The following ENOX1 variants were observed in gnomAD, a reference collection of about 807,000 sequenced individuals.
The protein encoded by ENOX1 is candidate growth-related and time keeping constitutive hydroquinone (NADH) oxidase.
Under a neutral mutation model 82.5 loss-of-function variants are expected in ENOX1, and 42 were observed. The ratio of observed to expected loss-of-function variants is 0.51; its 90% CI spans 0.40 to 0.66. The LOEUF is 0.66. ENOX1 is among the 30% of genes least tolerant of loss of function. The probability of loss-of-function intolerance (pLI) is 0.00; values close to 1 mark genes in which losing one functional copy is unlikely to be tolerated. For missense variants in ENOX1, 608 were observed against 811.6 expected, an observed-to-expected ratio of 0.75 and a Z score of 3.05; for synonymous variants, 271 against 282.2, an observed-to-expected ratio of 0.96 and a Z score of 0.40.
chr13:43,326,485 T>C lies in ENOX1; in HGVS notation c.1077A>G (p.Gln359=), dbSNP rs2048123472. 1 of 1,614,076 alleles carries C rather than the reference T, an allele frequency of 6.2e-7. No homozygotes were observed. The highest frequency in any genetic ancestry group is 8.5e-7 in the Non-Finnish European group (1 of 1,180,006). ...IVAVFNASTR[Q]KAWDHFSKAQ... is the part of the protein sequence containing the mutation. ...CTTTCGAGAAATGGTCCCAAGCTTT[T>C]TGTCTGGTAGAAGCGTTGAAAACGG... The change falls in exon 10 of 17, where the codon CAA becomes CAG. Residue 359 remains glutamine (Q), a synonymous_variant. Coordinates refer to ENST00000690772, the MANE Select transcript of ENOX1 (RefSeq NM_001347969.2).
intron 1 of ENOX1, among the ~76,000 whole-genome samples, chr13:43,766,930 G>A (rs555259746): frequency 4.0e-5 from 6 of 150,468 alleles, no homozygotes; most frequent in South Asian, 2.1e-4. Flanking sequence ...AGAGATTCAC[G>A]CTCTCATGGT....
At chr13:43,712,154 C>T (rs1354090358) in intron 1 of ENOX1, among the ~76,000 whole-genome samples, 2 of 147,806 alleles carry the variant, frequency 1.4e-5, no homozygotes, top group Non-Finnish European at 3.0e-5. Context: ...AGCCAGTTTT[C>T]CCAGCACCAT....
Position 43,715,014 on chromosome 13 carries a change from G to A in ENOX1, c.-284-47470C>T, listed in dbSNP as rs1477315704. Reference sequence around the variant, plus strand: ...CAGTTTCTTCCTAGCCTTGATGGTCGTTACATTTTGGCATGTTTTTGCAGT... The same window carrying A: ...CAGTTTCTTCCTAGCCTTGATGGTCATTACATTTTGGCATGTTTTTGCAGT... On this transcript the variant is annotated intron_variant, in intron 1 of 16. Coordinates refer to ENST00000690772, the MANE Select transcript of ENOX1 (RefSeq NM_001347969.2). 9.9e-5 allele frequency among the ~76,000 whole-genome samples: 15 copies of A among 152,184 alleles called. 1 individual carries two copies. Among genetic ancestry groups the A allele is most frequent in the Admixed American group, 6.6e-4 (10 of 15,264 alleles).
At chr13:43,439,455 C>T (rs1243447186) in intron 3 of ENOX1, among the ~76,000 whole-genome samples, 1 of 152,128 alleles carries the variant, frequency 6.6e-6, no homozygotes, top group Non-Finnish European at 1.5e-5. Flanking sequence ...CCACCTCAGC[C>T]TCGCAAAGTG....
intron 2 of ENOX1, among the ~76,000 whole-genome samples, chr13:43,589,247 G>T (rs531262702): frequency 1.2e-3 from 184 of 147,554 alleles, no homozygotes; most frequent in African/African-American, 4.5e-3. Flanking sequence ...AAAGCAAAGG[G>T]TCTGCAGAAA....
intron 3 of ENOX1, among the ~76,000 whole-genome samples, chr13:43,477,882 C>T (rs777458024): frequency 2.6e-5 from 4 of 152,030 alleles, no homozygotes; most frequent in Non-Finnish European, 5.9e-5. Flanking sequence ...TTTTAAGCTC[C>T]TCGCAAAGAC....
chr13:43,248,979 G>T (rs1161308100), intron 14 of ENOX1, among the ~76,000 whole-genome samples: 1 of 152,064 alleles, frequency 6.6e-6, no homozygotes, highest in East Asian at 1.9e-4. Context: ...GATAGGAAAG[G>T]ATCATTTCAA....
intron 2 of ENOX1, among the ~76,000 whole-genome samples, chr13:43,542,552 C>T (rs916446977): frequency 6.6e-6 from 1 of 151,894 alleles, no homozygotes; most frequent in African/African-American, 2.4e-5. Context: ...TCTCAGGCCT[C>T]AGCCTCCGGA....
chr13:43,280,333 G>GGA (rs1181242354), intron 12 of ENOX1, among the ~76,000 whole-genome samples: 4 of 152,212 alleles, frequency 2.6e-5, no homozygotes, highest in Non-Finnish European at 5.9e-5. Context: ...GGCCCTCTTT[G>GGA]GAGGTACCTT....
At chr13:43,574,998 G>A (rs1268517481) in intron 2 of ENOX1, among the ~76,000 whole-genome samples, 1 of 152,140 alleles carries the variant, frequency 6.6e-6, no homozygotes, top group South Asian at 2.1e-4. Context: ...ACAAAAGAGA[G>A]AGCCACATTC....
At chr13:43,386,094 A>G (rs1368933448) in intron 5 of ENOX1, among the ~76,000 whole-genome samples, 1 of 152,196 alleles carries the variant, frequency 6.6e-6, no homozygotes, top group East Asian at 1.9e-4. Flanking sequence ...TGAGCCTTGG[A>G]GATGGAGGAT....
Position 43,344,655 on chromosome 13 carries a change from C to T in ENOX1, c.919G>A (p.Val307Met). ...CGGACGTGGCTGTTGGCCGACTGCACCATGGAATAGAACTGGTTTGCAGAG... is the reference window on the plus strand; with the variant it reads ...CGGACGTGGCTGTTGGCCGACTGCATCATGGAATAGAACTGGTTTGCAGAG... The part of the protein sequence containing the change: ...RRSANQFYSM[V>M]QSANSHVRRL... The change falls in exon 9 of 17, where the codon GTG becomes ATG. Residue 307 changes from valine to methionine, a missense_variant. Transcript: ENST00000690772. 6.2e-7 allele frequency: 1 copy of T among 1,614,044 alleles called. No homozygotes were observed. Among genetic ancestry groups the T allele is most frequent in the South Asian group, 1.1e-5 (1 of 91,068 alleles).
intron 1 of ENOX1, among the ~76,000 whole-genome samples, chr13:43,778,855 C>T (rs575595775): frequency 7.2e-5 from 11 of 152,280 alleles, no homozygotes; most frequent in East Asian, 3.9e-4. Flanking sequence ...GGCAACAGGA[C>T]GAGGTGGAGG....
At position 43,418,690 on chromosome 13, in the gene ENOX1, A is replaced by G. The variant is rs111690728; in HGVS notation, c.-74-5702T>C. Among the ~76,000 whole-genome samples the G allele has an allele frequency of 5.4e-3, 820 of 152,336 alleles. 4 individuals are homozygous for G. The highest frequency in any genetic ancestry group is 0.019 in the African/African-American group (774 of 41,572). ...CTACTTACAGCTTTAATGAAGTATG[A>G]GCACCACAAAACAATCTGATACACA... On this transcript the variant is annotated intron_variant, in intron 3 of 16. Transcript: ENST00000690772.
At chr13:43,348,424 A>T (rs1340319117) in intron 8 of ENOX1, among the ~76,000 whole-genome samples, 2 of 152,170 alleles carry the variant, frequency 1.3e-5, no homozygotes, top group African/African-American at 4.8e-5. Flanking sequence ...ATTTTATTGC[A>T]TTCTACAGTA....
intron 13 of ENOX1, among the ~76,000 whole-genome samples, chr13:43,266,853 G>A (rs1210961609): frequency 1.3e-5 from 2 of 152,128 alleles, no homozygotes; most frequent in African/African-American, 2.4e-5. Context: ...TTCGAGTGGG[G>A]TTAGCTCAGA....
chr13:43,487,372 C>T (rs1373204628), intron 2 of ENOX1, among the ~76,000 whole-genome samples: 2 of 152,054 alleles, frequency 1.3e-5, no homozygotes, highest in Non-Finnish European at 2.9e-5. Context: ...CATGATTAGG[C>T]ATTTACAGAA....
intron 2 of ENOX1, among the ~76,000 whole-genome samples, chr13:43,618,959 G>A (rs2082604075): frequency 1.4e-5 from 2 of 146,850 alleles, no homozygotes; most frequent in African/African-American, 5.0e-5. Flanking sequence ...TCAACTCCTT[G>A]GTTAGGTATA....
intron 2 of ENOX1, among the ~76,000 whole-genome samples, chr13:43,650,152 G>T (rs2153775837): frequency 6.6e-6 from 1 of 152,288 alleles, no homozygotes; most frequent in South Asian, 2.1e-4. Flanking sequence ...TTCCACTCTT[G>T]AGCCTTGCTT....
Sources: gnomAD v4.1 joint callset for allele counts (sites outside exome capture counted in the v4.1 genomes callset) on GRCh38, gnomAD v4.1.1 for gene constraint, MANE v1.5 for transcripts, NCBI Gene and HGNC (gene_info 2026-07-23, HGNC 2026-07-21) for gene names.